The following JAKMIP3 variants were observed in gnomAD, a reference collection of about 807,000 sequenced individuals.
JAKMIP3 encodes Janus kinase and microtubule interacting protein 3.
Under a neutral mutation model 118.5 loss-of-function variants are expected in JAKMIP3, and 58 were observed. That is an observed-to-expected ratio of 0.49 (90% confidence interval 0.40 to 0.61). The LOEUF (loss-of-function observed/expected upper bound fraction) is 0.61, where lower values mean the gene tolerates loss of function less well. Among genes scored for constraint, JAKMIP3 ranks in the 20% least tolerant of loss-of-function variants. JAKMIP3 has a pLI of 0.00. For synonymous variants in JAKMIP3, 486 were observed against 451.2 expected, an observed-to-expected ratio of 1.08 and a Z score of -0.98; for missense variants, 950 against 1,109.0, an observed-to-expected ratio of 0.86 and a Z score of 2.04.
At chr10:132,173,529 T>A (rs112262579) in intron 23 of JAKMIP3, among the ~76,000 whole-genome samples, 4 of 152,214 alleles carry the variant, frequency 2.6e-5, no homozygotes, top group African/African-American at 9.6e-5. Flanking sequence ...TCCAAACAAC[T>A]CAGGTGGGGT....
At chr10:132,087,814 C>T (rs1488396685) in intron 1 of JAKMIP3, among the ~76,000 whole-genome samples, 1 of 151,820 alleles carries the variant, frequency 6.6e-6, no homozygotes, top group Non-Finnish European at 1.5e-5. Context: ...CCCATTAACT[C>T]GTCATTTACA....
intron 17 of JAKMIP3, 110 bp downstream of exon 17, chr10:132,153,133 G>A (rs2056523186): frequency 1.2e-6 from 1 of 855,824 alleles, no homozygotes; most frequent in Admixed American, 2.1e-5. Flanking sequence ...GGCCGGGTTT[G>A]GGGGGTCCAC....
intron 2 of JAKMIP3, among the ~76,000 whole-genome samples, chr10:132,115,462 C>T (rs997247442): frequency 6.6e-6 from 1 of 152,228 alleles, no homozygotes; most frequent in Non-Finnish European, 1.5e-5. Flanking sequence ...CTAGGCGCCA[C>T]AGCCCTGATC....
chr10:132,055,164 G>T (rs1429411234), intron 1 of JAKMIP3, among the ~76,000 whole-genome samples: 2 of 152,192 alleles, frequency 1.3e-5, no homozygotes, highest in East Asian at 3.8e-4. Flanking sequence ...TTAACTGGGA[G>T]GTGCACAGCA....
chr10:132,176,612 C>T (rs895426683), intron 23 of JAKMIP3, among the ~76,000 whole-genome samples: 3 of 152,144 alleles, frequency 2.0e-5, no homozygotes, highest in African/African-American at 4.8e-5. Flanking sequence ...TATACGATCA[C>T]GGCAGCAGAC....
intron 14 of JAKMIP3, 38 bp downstream of exon 14, chr10:132,148,088 G>A (rs753308502): frequency 5.2e-6 from 7 of 1,350,132 alleles, no homozygotes; most frequent in East Asian, 2.4e-5. Context: ...GCCTGTGGCT[G>A]TGTCAGGGAT....
In JAKMIP3 at chr10:132,163,385, C is replaced by T. The variant is rs1397138964; in HGVS notation, c.2397C>T (p.Arg799=). ...GGGACGCCCAGATCCTGCGGGAGCG[C>T]ATGGAGCTGCTGCAGCTGGCTCAGC... is the stretch of plus-strand genomic sequence containing the variant. ...RERDAQILRE[R]MELLQLAQQR... The change falls in exon 20 of 24, where the codon CGC becomes CGT. Residue 799 remains arginine, a synonymous_variant. Coordinates refer to ENST00000684848, the MANE Select transcript of JAKMIP3 (RefSeq NM_001323087.2). 3.7e-6 allele frequency: 6 copies of T among 1,604,260 alleles called. No homozygotes were observed. The highest frequency in any genetic ancestry group is 1.3e-5 in the African/African-American group (1 of 74,840).
intron 1 of JAKMIP3, among the ~76,000 whole-genome samples, chr10:132,058,689 G>C (rs1307932761): frequency 1.3e-5 from 2 of 152,210 alleles, no homozygotes; most frequent in African/African-American, 4.8e-5. Flanking sequence ...CAAAGCAGTG[G>C]GGAGGGGACG....
rs767803760 is a variant in JAKMIP3 at position 132,117,536 on chromosome 10, C to T, written c.595C>T (p.Arg199Cys). Residue 199 changes from arginine (R) to cysteine (C), a missense_variant, in exon 3 of 24, where the codon CGC becomes TGC. By Grantham distance (180) the Arg-to-Cys change is radical (BLOSUM62 -3). Coordinates refer to ENST00000684848, the MANE Select transcript of JAKMIP3 (RefSeq NM_001323087.2). The surrounding 1 kb of genome is among the most constrained non-coding windows in gnomAD (Gnocchi z 8.6). Reference sequence around the variant, plus strand: ...CCACCTGCACCAGGAGGAGATCACCCGCATCAAGAAGGAGTGCGAGCGGGA... The same window carrying T: ...CCACCTGCACCAGGAGGAGATCACCTGCATCAAGAAGGAGTGCGAGCGGGA... ...VYHLHQEEIT[R>C]IKKECEREIR... is the part of the protein sequence containing the mutation. The T allele has an allele frequency of 1.1e-5, 17 of 1,587,562 alleles. No homozygotes were observed. The highest frequency in any genetic ancestry group is 2.7e-5 in the African/African-American group (2 of 74,418).
rs1224171855 is a variant in JAKMIP3 at position 132,169,043 on chromosome 10, G to T, written c.*1103+10G>T. The T allele has an allele frequency of 6.5e-6, 1 of 154,196 alleles. No homozygotes were observed. The highest frequency in any genetic ancestry group is 1.4e-5 in the Non-Finnish European group (1 of 69,414). The allele number at this position is 154,196 out of a possible 1,614,324, so 9.6% of individuals were successfully genotyped here. ...ACCAAGAGGCTGACAGGTAAGGGCT[G>T]CCATCTGTCCGCGGGGAGGGCCTTT... On this transcript the variant is annotated intron_variant, in intron 23 of 23. Coordinates refer to ENST00000684848, the MANE Select transcript of JAKMIP3 (RefSeq NM_001323087.2).
At chr10:132,142,558 C>T (rs1051861743) in intron 11 of JAKMIP3, among the ~76,000 whole-genome samples, 4 of 152,256 alleles carry the variant, frequency 2.6e-5, no homozygotes, top group African/African-American at 9.6e-5. Context: ...CCGCCCACTT[C>T]CCTGGCTCAC....
intron 1 of JAKMIP3, among the ~76,000 whole-genome samples, chr10:132,058,350 T>G (rs1380412407): frequency 1.3e-5 from 2 of 152,180 alleles, no homozygotes; most frequent in South Asian, 2.1e-4. Flanking sequence ...CCAAATCAGC[T>G]CCGTAGACCA....
intron 23 of JAKMIP3, among the ~76,000 whole-genome samples, chr10:132,169,663 T>A (rs1256750457): frequency 6.6e-6 from 1 of 151,260 alleles, no homozygotes; most frequent in Admixed American, 6.6e-5. Flanking sequence ...GAGCGCTCCA[T>A]CTCCCCCACC....
chr10:132,069,468 C>A (rs2039470901), intron 1 of JAKMIP3, among the ~76,000 whole-genome samples: 1 of 152,132 alleles, frequency 6.6e-6, no homozygotes, highest in South Asian at 2.1e-4. Context: ...CCCCAGACAA[C>A]CTTCTCAGGG....
chr10:132,156,944 A>G (rs1236759756), intron 19 of JAKMIP3, among the ~76,000 whole-genome samples: 1 of 152,180 alleles, frequency 6.6e-6, no homozygotes, highest in African/African-American at 2.4e-5. Context: ...AATCCAAGAA[A>G]AAAGTTCACT....
chr10:132,101,459 A>G (rs1203955287), intron 1 of JAKMIP3, among the ~76,000 whole-genome samples: 1 of 152,228 alleles, frequency 6.6e-6, no homozygotes, highest in Non-Finnish European at 1.5e-5. Context: ...ACCATTGTGT[A>G]TTAGCAACCA....
intron 2 of JAKMIP3, among the ~76,000 whole-genome samples, chr10:132,108,698 C>A (rs554070034): frequency 3.2e-4 from 48 of 152,040 alleles, no homozygotes; most frequent in Non-Finnish European, 5.6e-4. Context: ...CCTTCCCAGC[C>A]AAGTGTCATT....
At chr10:132,073,362 T>C (rs921779900) in intron 1 of JAKMIP3, among the ~76,000 whole-genome samples, 11 of 152,174 alleles carry the variant, frequency 7.2e-5, no homozygotes, top group African/African-American at 2.7e-4. Flanking sequence ...ATTTTTTGTA[T>C]TTTCAGTAGA....
intron 1 of JAKMIP3, among the ~76,000 whole-genome samples, chr10:132,090,626 C>G (rs754576326): frequency 3.3e-5 from 5 of 152,140 alleles, no homozygotes; most frequent in Non-Finnish European, 7.4e-5. Context: ...TGCTAGCAGT[C>G]TACCAATTTT....
Sources: allele counts gnomAD v4.1 joint callset (sites outside exome capture counted in the v4.1 genomes callset), GRCh38; gene constraint gnomAD v4.1.1; non-coding constraint Gnocchi (gnomAD v3.1); transcripts MANE v1.5; gene names NCBI Gene and HGNC (gene_info 2026-07-23, HGNC 2026-07-21).